FARS2: variants seen among roughly 807,000 people sequenced by gnomAD.
The protein encoded by FARS2 is phenylalanyl-tRNA synthetase 2, mitochondrial, also known as phenylalanine--tRNA ligase, mitochondrial.
A neutral mutation model predicts 46.4 loss-of-function variants in FARS2; 40 were observed. The observed-to-expected ratio is 0.86, with a 90% CI of 0.67 to 1.12. FARS2 has a LOEUF of 1.12. Among genes scored for constraint, FARS2 ranks in the 50% most tolerant of loss-of-function variants. FARS2 has a pLI of 0.00. For missense variants in FARS2, 513 were observed against 567.9 expected (o/e 0.90, Z 0.98); for synonymous variants, 234 against 214.9 (o/e 1.09, Z -0.78).
At chr6:5,758,692 GTTTCACTTGAA>G (rs1430930967) in intron 6 of FARS2, among the ~76,000 whole-genome samples, 1 of 152,152 alleles carries the variant, frequency 6.6e-6, no homozygotes, top group Non-Finnish European at 1.5e-5. Flanking sequence ...TCTTCAACAA[GTTTCACTTGAA>G]TTTGTAAATT....
intron 1 of FARS2, among the ~76,000 whole-genome samples, chr6:5,356,994 T>C (rs2127617874): frequency 6.6e-6 from 1 of 152,180 alleles, no homozygotes; most frequent in Admixed American, 6.5e-5. Context: ...GATGGGGCTG[T>C]TTGGGGTTAA....
At chr6:5,548,526 G>A (rs1195697765) in intron 5 of FARS2, among the ~76,000 whole-genome samples, 1 of 151,972 alleles carries the variant, frequency 6.6e-6, no homozygotes, top group South Asian at 2.1e-4. Context: ...ACCTGGCTAG[G>A]GCTGTAACTT....
chr6:5,585,848 A>G (rs1163684602), intron 5 of FARS2, among the ~76,000 whole-genome samples: 3 of 152,146 alleles, frequency 2.0e-5, no homozygotes, highest in Non-Finnish European at 4.4e-5. Context: ...ATTAGCTAGT[A>G]TAACTAATGC....
Position 5,438,247 on chromosome 6 carries a change from C to CCG in FARS2, c.904+7076_904+7077insGC, listed in dbSNP as rs1554185239. Among the ~76,000 whole-genome samples the CCG allele has an allele frequency of 9.6e-3, 27 of 2,820 alleles. 1 individual carries two copies. In the East Asian group the frequency reaches 0.34, roughly 36 times the overall value. The allele number at this position is 2,820 out of a possible 152,430, so 1.9% of individuals were successfully genotyped here. A position where few individuals can be genotyped will look rare whatever the true frequency, so the allele number is the denominator to read the frequency against. On this transcript the variant is annotated intron_variant, in intron 4 of 6. Transcript: ENST00000274680. ...TTTCAAGGCTTCTACCCACCCCCCG[C>CCG]CCCCCCCCCCATTTTTGTTTTTCAG... is the stretch of plus-strand genomic sequence containing the variant.
In FARS2 at chr6:5,447,234, C is replaced by T. The variant is rs142254444; in HGVS notation, c.904+16062C>T. Among the ~76,000 whole-genome samples, 1,084 of 152,254 alleles carry T rather than the reference C, an allele frequency of 7.1e-3. 5 individuals are homozygous for T. The highest frequency in any genetic ancestry group is 0.018 in the South Asian group (89 of 4,812). On this transcript the variant is annotated intron_variant, in intron 4 of 6. Coordinates refer to ENST00000274680, the MANE Select transcript of FARS2 (RefSeq NM_006567.5). ...AGGGCAGGAGCTGAAGCAGCAGTAG[C>T]AGTGGGCAGAGAGGGGGCCAGATTG...
intron 5 of FARS2, among the ~76,000 whole-genome samples, chr6:5,587,104 T>A (rs1472486500): frequency 6.6e-6 from 1 of 152,236 alleles, no homozygotes; most frequent in East Asian, 1.9e-4. Flanking sequence ...GTACTGTCAC[T>A]TACTGGGTTG....
chr6:5,358,083 T>C (rs1758051560), intron 1 of FARS2, among the ~76,000 whole-genome samples: 1 of 152,242 alleles, frequency 6.6e-6, no homozygotes, highest in South Asian at 2.1e-4. Context: ...TTATTTAGAA[T>C]ATTCAGGAGA....
chr6:5,250,665 C>A, the FARS2 span, among the ~76,000 whole-genome samples: 4 of 152,282 alleles, frequency 2.6e-5, no homozygotes, highest in South Asian at 8.3e-4. Flanking sequence ...AACAATAGTT[C>A]TTTGTAATAC....
intron 6 of FARS2, among the ~76,000 whole-genome samples, chr6:5,623,138 A>G (rs940028854): frequency 1.3e-5 from 2 of 152,244 alleles, no homozygotes; most frequent in African/African-American, 4.8e-5. Context: ...AGCTAGGAAA[A>G]CTAGATGACA....
chr6:5,324,204 T>A (rs1248116355), intron 1 of FARS2, among the ~76,000 whole-genome samples: 1 of 152,226 alleles, frequency 6.6e-6, no homozygotes, highest in Non-Finnish European at 1.5e-5. Context: ...TCCTCTTATT[T>A]TAACTCTTAC....
intron 2 of FARS2, among the ~76,000 whole-genome samples, chr6:5,377,801 T>G (rs1360038818): frequency 2.0e-5 from 3 of 152,198 alleles, no homozygotes; most frequent in African/African-American, 7.2e-5. Flanking sequence ...AGTGTTAAAA[T>G]GCAATTTCTC....
intron 1 of FARS2, among the ~76,000 whole-genome samples, chr6:5,317,750 A>G (rs1769640016): frequency 1.3e-5 from 2 of 151,972 alleles, no homozygotes. Context: ...ACTGTACTCC[A>G]GACTGTGCAA....
chr6:5,289,937 A>G (rs1767386415), intron 1 of FARS2, among the ~76,000 whole-genome samples: 1 of 152,168 alleles, frequency 6.6e-6, no homozygotes, highest in Non-Finnish European at 1.5e-5. Flanking sequence ...CTCAGTTTGA[A>G]TTCTTGCACC....
At chr6:5,720,547 G>A (rs918320645) in intron 6 of FARS2, among the ~76,000 whole-genome samples, 2 of 152,170 alleles carry the variant, frequency 1.3e-5, no homozygotes, top group African/African-American at 4.8e-5. Context: ...TACCTAGCAT[G>A]CCCTAGGCTC....
Position 5,471,090 on chromosome 6 carries a change from A to G in FARS2, c.904+39918A>G, listed in dbSNP as rs1412835353. Among the ~76,000 whole-genome samples, 2 of 152,184 alleles carry G rather than the reference A, an allele frequency of 1.3e-5. No individual in the cohort carries two copies. The highest frequency in any genetic ancestry group is 2.1e-4 in the South Asian group (1 of 4,826). Reference sequence around the variant, plus strand: ...AGAGTGTGAGAGTTACATGTTAACAATAAGTGAACCCCACTGAGGGGTTTC... The same window carrying G: ...AGAGTGTGAGAGTTACATGTTAACAGTAAGTGAACCCCACTGAGGGGTTTC... On this transcript the variant is annotated intron_variant, in intron 4 of 6. Coordinates refer to ENST00000274680, the MANE Select transcript of FARS2 (RefSeq NM_006567.5). The surrounding 1 kb of genome is among the most constrained non-coding windows in gnomAD (Gnocchi z 4.1).
intron 1 of FARS2, among the ~76,000 whole-genome samples, chr6:5,298,912 G>A (rs1339346632): frequency 6.6e-6 from 1 of 151,346 alleles, no homozygotes; most frequent in African/African-American, 2.4e-5. Flanking sequence ...CTTTTCTTAG[G>A]GTGTCCTTAT....
chr6:5,313,060 G>C (rs1769200549), intron 1 of FARS2, among the ~76,000 whole-genome samples: 1 of 152,104 alleles, frequency 6.6e-6, no homozygotes, highest in African/African-American at 2.4e-5. Flanking sequence ...AGTGTGTGGT[G>C]GTACTGCAGA....
intron 6 of FARS2, among the ~76,000 whole-genome samples, chr6:5,667,199 TAAAATAAAAATTAA>T (rs977690398): frequency 6.6e-6 from 1 of 151,996 alleles, no homozygotes; most frequent in African/African-American, 2.4e-5. Context: ...CCCCTGAACT[TAAAATAAAAATTAA>T]AAAATAAAAA....
intron 4 of FARS2, among the ~76,000 whole-genome samples, chr6:5,454,293 A>G (rs1280576213): frequency 6.6e-6 from 1 of 151,136 alleles, no homozygotes; most frequent in Non-Finnish European, 1.5e-5. Flanking sequence ...TGCTTATTTC[A>G]AACTGTTTGT....
Sources: allele counts gnomAD v4.1 joint callset (sites outside exome capture counted in the v4.1 genomes callset), GRCh38; gene constraint gnomAD v4.1.1; non-coding constraint Gnocchi (gnomAD v3.1); transcripts MANE v1.5; gene names NCBI Gene and HGNC (gene_info 2026-07-23, HGNC 2026-07-21).